Variants in ARHGAP5 observed in about 807,000 individuals in gnomAD.
ARHGAP5 encodes rho GTPase-activating protein 5.
ARHGAP5 carries 23 observed loss-of-function variants against 116.6 expected under a neutral mutation model. The observed-to-expected ratio is 0.20, with a 90% CI of 0.14 to 0.28. ARHGAP5 has a LOEUF of 0.28. Ranked by LOEUF, ARHGAP5 falls within the 10% of genes least tolerant of loss-of-function variation. The probability of loss-of-function intolerance (pLI) is 1.00; values close to 1 mark genes in which losing one functional copy is unlikely to be tolerated. For synonymous variants in ARHGAP5, 574 were observed against 602.0 expected (o/e 0.95, Z 0.68); for missense variants, 1,405 against 1,774.8 (o/e 0.79, Z 3.74).
At chr14:32,135,428 T>G (rs1267767228) in intron 3 of ARHGAP5, among the ~76,000 whole-genome samples, 1 of 152,216 alleles carries the variant, frequency 6.6e-6, no homozygotes, top group African/African-American at 2.4e-5. Context: ...CTAAGTTGTT[T>G]TTTTGTTTGT....
rs2139083358 is a variant in ARHGAP5 at position 32,123,070 on chromosome 14, T to C, written c.3865+5783T>C. On this transcript the variant is annotated intron_variant, in intron 3 of 6. Transcript: ENST00000345122. ...CTGCTCATTCTTATCTGTGTTCTTC[T>C]GAATGGGATGTATTCTCTTTTCTCC... Among the ~76,000 whole-genome samples, 2 of 152,246 alleles carry C rather than the reference T, an allele frequency of 1.3e-5. 1 individual carries two copies. The highest frequency in any genetic ancestry group is 4.1e-4 in the South Asian group (2 of 4,824).
Position 32,090,490 on chromosome 14 carries a change from C to T in ARHGAP5, c.-168-12C>T. On this transcript the variant is annotated splice_polypyrimidine_tract_variant and intron_variant, in intron 1 of 6. Coordinates refer to ENST00000345122, the MANE Select transcript of ARHGAP5 (RefSeq NM_001030055.2). ...GTGATTAAGATTTGTTCTTTTTCTC[C>T]CCTCTCTATAGGAAGATGATCCCTA... 2.1e-5 allele frequency: 11 copies of T among 517,718 alleles called. No individual in the cohort carries two copies. The highest frequency in any genetic ancestry group is 7.6e-5 in the South Asian group (2 of 26,458). 32.1% of individuals were successfully genotyped at this position (517,718 alleles called of 1,614,324 possible).
chr14:32,098,925 G>A (rs536949740), intron 2 of ARHGAP5, among the ~76,000 whole-genome samples: 6 of 152,208 alleles, frequency 3.9e-5, no homozygotes, highest in Non-Finnish European at 7.4e-5. Flanking sequence ...GTGATCACTC[G>A]GTTACAGTGT....
chr14:32,109,890 C>CT (rs1360442119), intron 2 of ARHGAP5, among the ~76,000 whole-genome samples: 5 of 151,270 alleles, frequency 3.3e-5, no homozygotes, highest in African/African-American at 9.7e-5. Context: ...GGCTGTCCTG[C>CT]TTTTTTTTTC....
intron 3 of ARHGAP5, among the ~76,000 whole-genome samples, chr14:32,137,303 C>G (rs1428099551): frequency 6.7e-6 from 1 of 150,212 alleles, no homozygotes; most frequent in Non-Finnish European, 1.5e-5. Flanking sequence ...TCGCCTGTCT[C>G]TGCACTATTT....
At chr14:32,102,286 A>G (rs1878827378) in intron 2 of ARHGAP5, among the ~76,000 whole-genome samples, 1 of 152,200 alleles carries the variant, frequency 6.6e-6, no homozygotes, top group African/African-American at 2.4e-5. Flanking sequence ...TTCAACCAGC[A>G]TCTTTTCTAG....
rs978115094 is a variant in ARHGAP5 at position 32,152,315 on chromosome 14, T to A, written c.4076-108T>A. 1.3e-5 allele frequency: 10 copies of A among 775,416 alleles called. No homozygotes were observed. In the Admixed American group the frequency reaches 2.5e-4, roughly 20 times the overall value. The allele number at this position is 775,416 out of a possible 1,614,324, so 48.0% of individuals were successfully genotyped here. ...TTGATTTTGTTTACCTATCCTAATA[T>A]GCTTTAAACACATTCTTGACTGTTA... On this transcript the variant is annotated intron_variant, in intron 5 of 6. Transcript: ENST00000345122.
At chr14:32,140,692 C>T (rs1489763838) in intron 3 of ARHGAP5, among the ~76,000 whole-genome samples, 1 of 152,206 alleles carries the variant, frequency 6.6e-6, no homozygotes, top group African/African-American at 2.4e-5. Flanking sequence ...AACATACTCT[C>T]TATTATTTCA....
At chr14:32,099,140 G>A (rs1022280555) in intron 2 of ARHGAP5, among the ~76,000 whole-genome samples, 28 of 152,078 alleles carry the variant, frequency 1.8e-4, no homozygotes, top group Admixed American at 1.8e-3. Context: ...AATGAGATGG[G>A]AAAAATATCT....
At chr14:32,117,040 T>A in intron 2 of ARHGAP5, 100 bp from the exon 3 acceptor site, 1 of 925,034 alleles carries the variant, frequency 1.1e-6, no homozygotes, top group Non-Finnish European at 1.5e-6. Flanking sequence ...GATGTGGCTA[T>A]AAAATTTTTC....
chr14:32,116,896 C>G (rs1280811614), intron 2 of ARHGAP5, among the ~76,000 whole-genome samples: 1 of 152,168 alleles, frequency 6.6e-6, no homozygotes, highest in Admixed American at 6.5e-5. Flanking sequence ...CCTGACCTAT[C>G]AAGTCTGTTA....
chr14:32,127,649 G>A (rs185892667), intron 3 of ARHGAP5, among the ~76,000 whole-genome samples: 2,154 of 152,202 alleles, frequency 0.014, 26 homozygotes, highest in Non-Finnish European at 0.021. Context: ...CGACAAAACC[G>A]CCATCGTCAT....
chr14:32,092,053 G>A lies in ARHGAP5; in HGVS notation c.1384G>A (p.Ala462Thr), dbSNP rs780399397. The part of the protein sequence containing the change: ...EVMCFVMEDE[A>T]YKYITEADSK... ...TATGTGCTTTGTTATGGAGGATGAAGCCTACAAATATATCACTGAGGCTGA... is the reference window on the plus strand; with the variant it reads ...TATGTGCTTTGTTATGGAGGATGAAACCTACAAATATATCACTGAGGCTGA... Residue 462 changes from alanine to threonine, a missense_variant, in exon 2 of 7, where the codon GCC becomes ACC. Coordinates refer to ENST00000345122, the MANE Select transcript of ARHGAP5 (RefSeq NM_001030055.2). This position sits in a 1 kb window ranked among gnomAD's most constrained non-coding sequence, Gnocchi z 4.1. 3 of 1,613,740 alleles carry A rather than the reference G, an allele frequency of 1.9e-6. No individual in the cohort carries two copies. Among genetic ancestry groups the A allele is most frequent in the Non-Finnish European group, 1.7e-6 (2 of 1,179,764 alleles).
At chr14:32,109,726 A>C (rs1230557618) in intron 2 of ARHGAP5, among the ~76,000 whole-genome samples, 2 of 152,142 alleles carry the variant, frequency 1.3e-5, no homozygotes, top group African/African-American at 4.8e-5. Context: ...ATTTAAATAT[A>C]ATTATTACAT....
Position 32,110,209 on chromosome 14 carries a change from T to TAAAA in ARHGAP5, c.3718-6920_3718-6917dup, listed in dbSNP as rs563872548. 5.5e-4 allele frequency among the ~76,000 whole-genome samples: 63 copies of TAAAA among 113,970 alleles called. 1 individual carries two copies. Among genetic ancestry groups the TAAAA allele is most frequent in the African/African-American group, 1.8e-3 (58 of 32,574 alleles). The allele number at this position is 113,970 out of a possible 152,430, so 74.8% of individuals were successfully genotyped here. On this transcript the variant is annotated intron_variant, in intron 2 of 6. Transcript: ENST00000345122. ...AGAGCTTAAATTGTAGCTGGGGAGATAAAAAAAAAAAAAAGATGATACGTG... is the reference window on the plus strand; with the variant it reads ...AGAGCTTAAATTGTAGCTGGGGAGATAAAAAAAAAAAAAAAAAAGATGATACGTG...
At position 32,090,546 on chromosome 14, in the gene ARHGAP5, AG is replaced by A; in HGVS notation, c.-121del. 1 of 821,086 alleles carries A rather than the reference AG, an allele frequency of 1.2e-6. No individual in the cohort carries two copies. The allele number at this position is 821,086 out of a possible 1,614,324, so 50.9% of individuals were successfully genotyped here. A position where few individuals can be genotyped will look rare whatever the true frequency, so the allele number is the denominator to read the frequency against. ...TTGAAGATGTTTCTGCACAGAAATG[AG>A]GGAAATACAAAGAACCAAATACAGT... On this transcript the variant is annotated 5_prime_UTR_variant, in exon 2 of 7. An upstream open reading frame in the 5' UTR loses its in-frame stop. Coordinates refer to ENST00000345122, the MANE Select transcript of ARHGAP5 (RefSeq NM_001030055.2).
At chr14:32,077,508 T>G (rs2041718975) in intron 1 of ARHGAP5, 73 bp downstream of exon 1, 2 of 650,332 alleles carry the variant, frequency 3.1e-6, no homozygotes, top group African/African-American at 1.9e-5. Flanking sequence ...TGCGGCTAGC[T>G]GCCCCGCTCG....
chr14:32,083,018 T>C (rs1326396281), intron 1 of ARHGAP5, among the ~76,000 whole-genome samples: 4 of 152,266 alleles, frequency 2.6e-5, no homozygotes, highest in Admixed American at 6.5e-5. Flanking sequence ...TCATAACTTA[T>C]ATGTTCAAAA....
chr14:32,104,916 A>G (rs1878940765), intron 2 of ARHGAP5, among the ~76,000 whole-genome samples: 1 of 152,188 alleles, frequency 6.6e-6, no homozygotes, highest in African/African-American at 2.4e-5. Context: ...AGCATATGGC[A>G]ATGTCTAGAG....
Sources: gnomAD v4.1 joint callset for allele counts (sites outside exome capture counted in the v4.1 genomes callset) on GRCh38, gnomAD v4.1.1 for gene constraint, Gnocchi (gnomAD v3.1) non-coding constraint, MANE v1.5 for transcripts, NCBI Gene and HGNC (gene_info 2026-07-23, HGNC 2026-07-21) for gene names.